PPP2R2C: variants seen among roughly 807,000 people sequenced by gnomAD.
PPP2R2C encodes protein phosphatase 2, regulatory subunit B, gamma.
PPP2R2C carries 10 observed loss-of-function variants against 45.3 expected under a neutral mutation model. The observed-to-expected ratio is 0.22, with a 90% CI of 0.14 to 0.37. The LOEUF is 0.37. Among genes scored for constraint, PPP2R2C ranks in the 10% least tolerant of loss-of-function variants. The pLI, the probability that PPP2R2C is intolerant of heterozygous loss-of-function variation, is 1.00. For synonymous variants in PPP2R2C, 257 were observed against 245.4 expected (o/e 1.05, Z -0.44); for missense variants, 308 against 619.7 (o/e 0.50, Z 5.34).
chr4:6,523,818 T>C (rs1390791864), intron 2 of PPP2R2C, among the ~76,000 whole-genome samples: 2 of 152,260 alleles, frequency 1.3e-5, no homozygotes, highest in African/African-American at 2.4e-5. Flanking sequence ...ACACCCTAAG[T>C]ATCCATCCAT....
intron 2 of PPP2R2C, among the ~76,000 whole-genome samples, chr4:6,524,872 T>C (rs1724145672): frequency 1.3e-5 from 2 of 152,096 alleles, no homozygotes; most frequent in African/African-American, 4.8e-5. Context: ...GAGGATCCCT[T>C]GAGCCCAAGA....
chr4:6,386,429 C>A (rs1320657649), intron 1 of PPP2R2C, among the ~76,000 whole-genome samples: 3 of 152,316 alleles, frequency 2.0e-5, no homozygotes, highest in African/African-American at 7.2e-5. Flanking sequence ...ATAAACTCTG[C>A]CCATGTCTTG....
At chr4:6,504,521 C>T (rs2108796682) in intron 2 of PPP2R2C, among the ~76,000 whole-genome samples, 1 of 152,074 alleles carries the variant, frequency 6.6e-6, no homozygotes, top group East Asian at 1.9e-4. Context: ...TTTAAAGCAG[C>T]TATTTGTACT....
intron 1 of PPP2R2C, chr4:6,382,935 G>C (rs1577132208): frequency 9.2e-7 from 1 of 1,088,300 alleles, no homozygotes; most frequent in Non-Finnish European, 1.1e-6. Context: ...GAAAAGCACA[G>C]AGTGTTCTAA....
chr4:6,554,918 GGAAGGAAGGAAGGAAAGAAA>G (rs1438350981), intron 1 of PPP2R2C, among the ~76,000 whole-genome samples: 51 of 91,100 alleles, frequency 5.6e-4, no homozygotes, highest in Admixed American at 1.2e-3. Flanking sequence ...AAGGAAGGAA[GGAAGGAAGGAAGGAAAGAAA>G]GAAAGAAAGA....
At position 6,378,533 on chromosome 4, in the gene PPP2R2C, A is replaced by T; in HGVS notation, c.208T>A (p.Tyr70Asn). 6.2e-7 allele frequency: 1 copy of T among 1,614,074 alleles called. No homozygotes were observed. ...APHSQGEYDV[Y>N]STFQSHEPEF... The stretch of plus-strand genomic sequence containing the variant: ...GGCTCGTGGCTCTGGAAAGTGCTGT[A>T]CACGTCGTATTCGCCCTGGCTGTGG... The change falls in exon 3 of 9, where the codon TAC becomes AAC. Residue 70 changes from tyrosine to asparagine, a missense_variant. Transcript: ENST00000382599. This position sits in a 1 kb window ranked among gnomAD's most constrained non-coding sequence, Gnocchi z 5.2.
At position 6,364,697 on chromosome 4, in the gene PPP2R2C, C is replaced by T. The variant is rs1714123115; in HGVS notation, c.625+7826G>A. Among the ~76,000 whole-genome samples the T allele has an allele frequency of 6.6e-6, 1 of 152,144 alleles. No homozygotes were observed. Among genetic ancestry groups the T allele is most frequent in the African/African-American group, 2.4e-5 (1 of 41,422 alleles). ...GGTGAGGAGCTGAGGCACAGAGAACCCAAGTGAGCTGCCCGAGGCCGCGGA... is the reference window on the plus strand; with the variant it reads ...GGTGAGGAGCTGAGGCACAGAGAACTCAAGTGAGCTGCCCGAGGCCGCGGA... On this transcript the variant is annotated intron_variant, in intron 5 of 8. Coordinates refer to ENST00000382599, the MANE Select transcript of PPP2R2C (RefSeq NM_020416.4). This position sits in a 1 kb window ranked among gnomAD's most constrained non-coding sequence, Gnocchi z 5.3.
intron 2 of PPP2R2C, among the ~76,000 whole-genome samples, chr4:6,533,819 G>C (rs543062834): frequency 6.6e-6 from 1 of 152,066 alleles, no homozygotes; most frequent in Admixed American, 6.6e-5. Flanking sequence ...CCGTCGACCC[G>C]GGTGGCCGTT....
rs535019748 is a variant in PPP2R2C at position 6,545,857 on chromosome 4, G to C, written c.-58-10480C>G. 1.2e-4 allele frequency among the ~76,000 whole-genome samples: 18 copies of C among 152,288 alleles called. No homozygotes were observed. The South Asian group carries it at 3.7e-3, about 32-fold the overall frequency. ...CAAGCAAGATATTGTAGCAAAATCA[G>C]TATTTCGCTGACCAACATCTACTGT... On this transcript the variant is annotated intron_variant, in intron 1 of 9. Coordinates refer to the PPP2R2C transcript ENST00000506140.
At chr4:6,549,626 G>A (rs956027915) in intron 1 of PPP2R2C, among the ~76,000 whole-genome samples, 7 of 152,334 alleles carry the variant, frequency 4.6e-5, no homozygotes, top group East Asian at 1.9e-4. Flanking sequence ...TTGCAGCCCT[G>A]AGAGCAGTGG....
chr4:6,547,477 G>A lies in PPP2R2C; in HGVS notation c.-58-12100C>T, dbSNP rs377087219. Among the ~76,000 whole-genome samples the A allele has an allele frequency of 4.6e-5, 7 of 152,072 alleles. No individual in the cohort carries two copies. In the East Asian group the frequency reaches 5.8e-4, roughly 13 times the overall value. On this transcript the variant is annotated intron_variant, in intron 1 of 9. Transcript: ENST00000506140. ...CCCGTGGGAACACTGGACACTGGGT[G>A]CCTTCTGGCGGGATGCACTGGGAAG...
At chr4:6,432,850 ATGATTTTCTTTCGC>A (rs1473030071) in intron 1 of PPP2R2C, among the ~76,000 whole-genome samples, 1 of 152,164 alleles carries the variant, frequency 6.6e-6, no homozygotes, top group Admixed American at 6.5e-5. Flanking sequence ...TCACTTATAC[ATGATTTTCTTTCGC>A]CTCTGCTACC....
chr4:6,462,364 A>G (rs79273361), intron 1 of PPP2R2C, among the ~76,000 whole-genome samples: 13,069 of 152,266 alleles, frequency 0.086, 847 homozygotes, highest in East Asian at 0.38. Context: ...ATGTAGTCCC[A>G]GCTGCTCAGG....
At chr4:6,409,484 C>T (rs1180404750) in intron 1 of PPP2R2C, among the ~76,000 whole-genome samples, 4 of 152,190 alleles carry the variant, frequency 2.6e-5, no homozygotes, top group Admixed American at 6.5e-5. Context: ...CAAATAACAG[C>T]TCAGCCCACC....
chr4:6,357,711 A>C (rs766932272), intron 5 of PPP2R2C, among the ~76,000 whole-genome samples: 1 of 152,134 alleles, frequency 6.6e-6, no homozygotes, highest in Non-Finnish European at 1.5e-5. Flanking sequence ...CAGTACAAGG[A>C]GCTCCTCACC....
At chr4:6,470,256 A>T (rs1721796895) in intron 1 of PPP2R2C, among the ~76,000 whole-genome samples, 1 of 152,154 alleles carries the variant, frequency 6.6e-6, no homozygotes, top group South Asian at 2.1e-4. Flanking sequence ...CCCCAGGGAT[A>T]AAACAGTGCC....
chr4:6,545,053 G>A (rs1242921000), intron 1 of PPP2R2C, among the ~76,000 whole-genome samples: 1 of 152,134 alleles, frequency 6.6e-6, no homozygotes, highest in South Asian at 2.1e-4. Flanking sequence ...CTAATGCCAG[G>A]CCGGTTCTCA....
At position 6,320,598 on chromosome 4, in the gene PPP2R2C, G is replaced by T. The variant is rs1731483813; in HGVS notation, c.*2704C>A. 1 of 152,514 alleles carries T rather than the reference G, an allele frequency of 6.6e-6. No homozygotes were observed. The highest frequency in any genetic ancestry group is 2.4e-5 in the African/African-American group (1 of 41,434). 9.4% of individuals were successfully genotyped at this position (152,514 alleles called of 1,614,324 possible). On this transcript the variant is annotated 3_prime_UTR_variant, in exon 9 of 9. Coordinates refer to ENST00000382599, the MANE Select transcript of PPP2R2C (RefSeq NM_020416.4). ...GGACCTCGTTTTTGATGTAACATTT[G>T]TTATTTTATTGGAAAAAGCTGGTAT...
chr4:6,537,707 C>A (rs369026324), intron 1 of PPP2R2C, among the ~76,000 whole-genome samples: 1 of 152,044 alleles, frequency 6.6e-6, no homozygotes, highest in Non-Finnish European at 1.5e-5. Context: ...CCTGCCACCA[C>A]ACCTGGCTAA....
Sources: allele counts gnomAD v4.1 joint callset (sites outside exome capture counted in the v4.1 genomes callset), GRCh38; gene constraint gnomAD v4.1.1; non-coding constraint Gnocchi (gnomAD v3.1); transcripts MANE v1.5; gene names NCBI Gene and HGNC (gene_info 2026-07-23, HGNC 2026-07-21).